Variants in CAMK2D observed in about 807,000 individuals in gnomAD.
CAMK2D encodes the protein calcium/calmodulin dependent protein kinase II delta.
In CAMK2D, 37 loss-of-function variants were observed where a neutral mutation model predicts 84.0. The observed-to-expected ratio is 0.44, with a 90% CI of 0.34 to 0.58. The LOEUF (loss-of-function observed/expected upper bound fraction) is 0.58. Among genes scored for constraint, CAMK2D ranks in the 20% least tolerant of loss-of-function variants. The probability of loss-of-function intolerance (pLI) is 0.02; values close to 1 mark genes in which losing one functional copy is unlikely to be tolerated. For synonymous variants in CAMK2D, 202 were observed against 212.5 expected, an observed-to-expected ratio of 0.95 and a Z score of 0.43; for missense variants, 448 against 652.5, an observed-to-expected ratio of 0.69 and a Z score of 3.41.
At chr4:113,523,120 C>T (rs1170380508) in intron 8 of CAMK2D, among the ~76,000 whole-genome samples, 2 of 152,190 alleles carry the variant, frequency 1.3e-5, no homozygotes, top group East Asian at 1.9e-4. Context: ...ACTATGGTGG[C>T]ACCCTGATCA....
intron 2 of CAMK2D, among the ~76,000 whole-genome samples, chr4:113,737,276 T>C (rs2099583371): frequency 6.6e-6 from 1 of 152,148 alleles, no homozygotes; most frequent in Admixed American, 6.5e-5. Flanking sequence ...GGATAAACTG[T>C]TGTATATACA....
intron 3 of CAMK2D, among the ~76,000 whole-genome samples, chr4:113,630,008 G>A (rs779348134): frequency 6.6e-6 from 1 of 151,928 alleles, no homozygotes; most frequent in Non-Finnish European, 1.5e-5. Flanking sequence ...ATAATCCAGA[G>A]ACCAGGGAAT....
At chr4:113,758,739 T>A (rs1352677945) in intron 2 of CAMK2D, among the ~76,000 whole-genome samples, 1 of 152,208 alleles carries the variant, frequency 6.6e-6, no homozygotes, top group African/African-American at 2.4e-5. Flanking sequence ...GTAAAATACA[T>A]TACATGAGTC....
intron 16 of CAMK2D, among the ~76,000 whole-genome samples, chr4:113,467,862 G>A (rs1247603338): frequency 6.6e-6 from 1 of 152,110 alleles, no homozygotes; most frequent in South Asian, 2.1e-4. Context: ...TAAGGGATAC[G>A]GGTGAGGAGG....
intron 2 of CAMK2D, chr4:113,679,614 G>A (rs566642307): frequency 3.8e-5 from 6 of 159,316 alleles, no homozygotes; most frequent in African/African-American, 9.6e-5. Context: ...GAGTTTTGAC[G>A]ACTCTGATTT....
At chr4:113,683,406 T>C (rs750018848) in intron 2 of CAMK2D, among the ~76,000 whole-genome samples, 50 of 152,100 alleles carry the variant, frequency 3.3e-4, no homozygotes, top group Non-Finnish European at 7.2e-4. Context: ...GACAGTTGAA[T>C]GAAATCAGCA....
chr4:113,491,827 T>A (rs2097847829), intron 16 of CAMK2D, among the ~76,000 whole-genome samples: 4 of 152,130 alleles, frequency 2.6e-5, no homozygotes, highest in Admixed American at 2.6e-4. Flanking sequence ...GAGCCTGTTA[T>A]TGGTCTATTC....
intron 4 of CAMK2D, among the ~76,000 whole-genome samples, chr4:113,557,501 A>G (rs540814578): frequency 3.3e-5 from 5 of 152,280 alleles, no homozygotes; most frequent in South Asian, 4.1e-4. Context: ...AAGAACACTC[A>G]TGGAGAAGGA....
chr4:113,644,130 C>T (rs907546179), intron 3 of CAMK2D, among the ~76,000 whole-genome samples: 4 of 152,088 alleles, frequency 2.6e-5, no homozygotes, highest in African/African-American at 9.7e-5. Context: ...ATAAGACGTG[C>T]AGACCCTGGT....
At chr4:113,621,554 G>A (rs1286770517) in intron 3 of CAMK2D, among the ~76,000 whole-genome samples, 1 of 152,166 alleles carries the variant, frequency 6.6e-6, no homozygotes, top group Non-Finnish European at 1.5e-5. Flanking sequence ...GAGATTCTAA[G>A]CCAATGGGAT....
intron 15 of CAMK2D, among the ~76,000 whole-genome samples, chr4:113,501,089 C>T (rs2098035534): frequency 1.3e-5 from 2 of 151,934 alleles, no homozygotes; most frequent in African/African-American, 4.8e-5. Flanking sequence ...TCATGTTTGT[C>T]CTCAGCACAA....
chr4:113,468,004 C>G (rs2097498165), intron 16 of CAMK2D, among the ~76,000 whole-genome samples: 1 of 150,922 alleles, frequency 6.6e-6, no homozygotes, highest in Non-Finnish European at 1.5e-5. Context: ...GTTTAGAAAA[C>G]ATGGCCAATT....
intron 8 of CAMK2D, 124 bp from the exon 9 acceptor site, chr4:113,517,781 C>A (rs2098303962): frequency 1.8e-6 from 1 of 562,950 alleles, no homozygotes; most frequent in Non-Finnish European, 3.3e-6. Context: ...TGTAGGAAAA[C>A]TTCAGAAAGA....
At chr4:113,752,012 G>T (rs1303380898) in intron 2 of CAMK2D, among the ~76,000 whole-genome samples, 1 of 151,306 alleles carries the variant, frequency 6.6e-6, no homozygotes, top group Non-Finnish European at 1.5e-5. Context: ...TGAATGACTG[G>T]CCCACTGAGA....
intron 2 of CAMK2D, among the ~76,000 whole-genome samples, chr4:113,720,668 A>G (rs1361253070): frequency 6.6e-6 from 1 of 152,020 alleles, no homozygotes; most frequent in East Asian, 1.9e-4. Context: ...TTTAGATGCA[A>G]AAGCAAAAAA....
chr4:113,549,056 C>T (rs2098604630), intron 5 of CAMK2D, among the ~76,000 whole-genome samples: 1 of 152,042 alleles, frequency 6.6e-6, no homozygotes, highest in African/African-American at 2.4e-5. Flanking sequence ...ATAAAGAATT[C>T]CCATAATGTT....
At chr4:113,721,730 CTT>C (rs2099531079) in intron 2 of CAMK2D, among the ~76,000 whole-genome samples, 1 of 152,132 alleles carries the variant, frequency 6.6e-6, no homozygotes, top group African/African-American at 2.4e-5. Flanking sequence ...TAAATTATCT[CTT>C]TGTGGTGGCT....
chr4:113,600,910 C>T (rs964900537), intron 4 of CAMK2D, among the ~76,000 whole-genome samples: 3 of 152,110 alleles, frequency 2.0e-5, no homozygotes, highest in Non-Finnish European at 4.4e-5. Context: ...GCTGAGGTTA[C>T]AAGCATGAGC....
rs962429089 is a variant in CAMK2D at position 113,590,839 on chromosome 4, T to C, written c.275+18313A>G. Among the ~76,000 whole-genome samples the C allele has an allele frequency of 3.3e-5, 5 of 152,238 alleles. No homozygotes were observed. The South Asian group carries it at 8.3e-4, about 25-fold the overall frequency. ...CACTACCTCACAGAACTGACACATA[T>C]CACACAATATGACTGTATATTAGGT... On this transcript the variant is annotated intron_variant, in intron 4 of 20. Transcript: ENST00000511664.
Sources: gnomAD v4.1 joint callset for allele counts (sites outside exome capture counted in the v4.1 genomes callset) on GRCh38, gnomAD v4.1.1 for gene constraint, MANE v1.5 for transcripts, NCBI Gene and HGNC (gene_info 2026-07-23, HGNC 2026-07-21) for gene names.